Variants in CRADD observed in about 807,000 individuals in gnomAD.
CRADD encodes death domain-containing protein CRADD.
CRADD carries 9 observed loss-of-function variants against 15.5 expected under a neutral mutation model. The ratio of observed to expected loss-of-function variants is 0.58; its 90% CI spans 0.35 to 1.01. The LOEUF (loss-of-function observed/expected upper bound fraction) is 1.01. Among genes scored for constraint, CRADD ranks in the 50% least tolerant of loss-of-function variants. CRADD has a pLI of 0.02. For synonymous variants in CRADD, 118 were observed against 107.6 expected, an observed-to-expected ratio of 1.10 and a Z score of -0.60; for missense variants, 227 against 250.3, an observed-to-expected ratio of 0.91 and a Z score of 0.63.
intron 2 of CRADD, among the ~76,000 whole-genome samples, chr12:93,795,174 CA>C (rs1433722335): frequency 6.6e-6 from 1 of 152,154 alleles, no homozygotes; most frequent in Non-Finnish European, 1.5e-5. Context: ...GCACCTAGAA[CA>C]ATGTCTGGAA....
intron 2 of CRADD, among the ~76,000 whole-genome samples, chr12:93,761,560 A>C (rs1189033153): frequency 6.6e-6 from 1 of 152,150 alleles, no homozygotes; most frequent in Non-Finnish European, 1.5e-5. Flanking sequence ...GGAAGGTGGT[A>C]CAGGTGGGAG....
chr12:93,820,700 G>C (rs1442201434), intron 2 of CRADD, among the ~76,000 whole-genome samples: 2 of 152,192 alleles, frequency 1.3e-5, no homozygotes, highest in Admixed American at 6.5e-5. Context: ...CAAGTATAGT[G>C]GTTCTTCTTT....
intron 2 of CRADD, among the ~76,000 whole-genome samples, chr12:93,842,269 G>A (rs890854257): frequency 6.6e-6 from 1 of 152,178 alleles, no homozygotes; most frequent in African/African-American, 2.4e-5. Flanking sequence ...CCTGTGGACT[G>A]TCCTTCACTC....
exon 3 of CRADD, chr12:93,894,158 C>G: frequency 1.4e-6 from 1 of 702,360 alleles, no homozygotes; most frequent in Non-Finnish European, 2.6e-6. Context: ...CAGACCCTAC[C>G]CTCTTTCCTC....
chr12:93,779,573 T>G (rs1957177710), intron 2 of CRADD, among the ~76,000 whole-genome samples: 1 of 148,526 alleles, frequency 6.7e-6, no homozygotes, highest in Non-Finnish European at 1.5e-5. Flanking sequence ...TTTGAGGGAA[T>G]GAGGAAAAAG....
At chr12:93,703,110 G>A (rs1414156403) in intron 2 of CRADD, among the ~76,000 whole-genome samples, 1 of 152,212 alleles carries the variant, frequency 6.6e-6, no homozygotes, top group Admixed American at 6.5e-5. Flanking sequence ...GTGTTCTTGA[G>A]TGTGGAAGAA....
intron 2 of CRADD, among the ~76,000 whole-genome samples, chr12:93,812,461 G>A (rs1432936920): frequency 2.0e-5 from 3 of 151,554 alleles, no homozygotes; most frequent in African/African-American, 7.3e-5. Flanking sequence ...GATCAACTGA[G>A]GTCAGAAGTT....
At chr12:93,765,642 A>C (rs1342499476) in intron 2 of CRADD, among the ~76,000 whole-genome samples, 1 of 152,186 alleles carries the variant, frequency 6.6e-6, no homozygotes, top group African/African-American at 2.4e-5. Flanking sequence ...CAATATTAAA[A>C]GCACAACTCC....
intron 2 of CRADD, among the ~76,000 whole-genome samples, chr12:93,793,854 A>G (rs894239863): frequency 2.9e-4 from 44 of 152,278 alleles, no homozygotes; most frequent in African/African-American, 1.1e-3. Flanking sequence ...TATCCTACCT[A>G]CTTCATTTCT....
intron 2 of CRADD, among the ~76,000 whole-genome samples, chr12:93,753,819 G>A (rs1334840824): frequency 6.6e-6 from 1 of 152,226 alleles, no homozygotes; most frequent in African/African-American, 2.4e-5. Flanking sequence ...CACTGCTGGA[G>A]TTGAGTGTCT....
intron 2 of CRADD, among the ~76,000 whole-genome samples, chr12:93,776,061 C>T (rs1157238385): frequency 6.6e-6 from 1 of 152,090 alleles, no homozygotes; most frequent in South Asian, 2.1e-4. Context: ...TTCAAGCACA[C>T]ACAATATATC....
intron 2 of CRADD, among the ~76,000 whole-genome samples, chr12:93,723,614 T>C (rs1956302995): frequency 6.6e-6 from 1 of 152,226 alleles, no homozygotes; most frequent in Admixed American, 6.5e-5. Flanking sequence ...TCCTGTCCTC[T>C]TGCTTAGCTG....
intron 2 of CRADD, among the ~76,000 whole-genome samples, chr12:93,795,359 T>A (rs1419740804): frequency 6.6e-6 from 1 of 152,230 alleles, no homozygotes; most frequent in Non-Finnish European, 1.5e-5. Flanking sequence ...GTGTAAAGAC[T>A]TGTTCAACAT....
rs1482624254 is a variant in CRADD at position 93,690,273 on chromosome 12, T to C, written c.298+11201T>C. On this transcript the variant is annotated intron_variant, in intron 2 of 2. Coordinates refer to ENST00000332896, the MANE Select transcript of CRADD (RefSeq NM_003805.5). ...TTCCAAAAGAAAGAGTGAAAGCTGA[T>C]TGAAGCAAGAGTTGTCTACTGTGCC... Among the ~76,000 whole-genome samples, 7 of 152,226 alleles carry C rather than the reference T, an allele frequency of 4.6e-5. No individual in the cohort carries two copies. The East Asian group carries it at 1.2e-3, about 25-fold the overall frequency.
intron 2 of CRADD, among the ~76,000 whole-genome samples, chr12:93,694,330 A>G (rs1408824894): frequency 2.0e-5 from 3 of 152,128 alleles, no homozygotes; most frequent in Non-Finnish European, 2.9e-5. Context: ...CAACACAAAA[A>G]AGGTTATATG....
chr12:93,690,589 A>G (rs1377764197), intron 2 of CRADD, among the ~76,000 whole-genome samples: 1 of 152,256 alleles, frequency 6.6e-6, no homozygotes, highest in African/African-American at 2.4e-5. Context: ...GGCTTTAGAT[A>G]TATAAACTCA....
At chr12:93,798,774 C>T (rs1451754859) in intron 2 of CRADD, among the ~76,000 whole-genome samples, 1 of 152,164 alleles carries the variant, frequency 6.6e-6, no homozygotes, top group African/African-American at 2.4e-5. Flanking sequence ...AAGAACTTCC[C>T]CTCCAGATGT....
intron 2 of CRADD, among the ~76,000 whole-genome samples, chr12:93,793,090 A>G (rs1166388054): frequency 6.6e-6 from 1 of 152,206 alleles, no homozygotes; most frequent in Non-Finnish European, 1.5e-5. Flanking sequence ...GAAGCTTAAT[A>G]ATTTATAGTG....
chr12:93,709,143 A>G (rs540028034), intron 2 of CRADD: 1 of 152,410 alleles, frequency 6.6e-6, no homozygotes, highest in East Asian at 1.9e-4. Flanking sequence ...GATCATGTGC[A>G]TCAGCTCTCT....
Sources: allele counts gnomAD v4.1 joint callset (sites outside exome capture counted in the v4.1 genomes callset), GRCh38; gene constraint gnomAD v4.1.1; transcripts MANE v1.5; gene names NCBI Gene and HGNC (gene_info 2026-07-23, HGNC 2026-07-21).